Variants in DNAH8 observed in about 807,000 individuals in gnomAD.
DNAH8 encodes the protein axonemal beta dynein heavy chain 8.
A neutral mutation model predicts 562.1 loss-of-function variants in DNAH8; 382 were observed. That is an observed-to-expected ratio of 0.68 (90% confidence interval 0.63 to 0.74). The LOEUF is 0.74. DNAH8 is among the 30% of genes least tolerant of loss of function. The pLI, the probability that DNAH8 is intolerant of heterozygous loss-of-function variation, is 0.00. For missense variants in DNAH8, 5,203 were observed against 5,620.4 expected (o/e 0.93, Z 2.37); for synonymous variants, 1,881 against 1,919.4 (o/e 0.98, Z 0.52).
At chr6:39,001,357 A>C (rs1018930802) in intron 88 of DNAH8, among the ~76,000 whole-genome samples, 2 of 152,088 alleles carry the variant, frequency 1.3e-5, no homozygotes, top group African/African-American at 4.8e-5. Flanking sequence ...GCATGTCATC[A>C]TGTACAGAAT....
At chr6:38,725,615 G>A (rs1191511409) in intron 3 of DNAH8, among the ~76,000 whole-genome samples, 3 of 152,104 alleles carry the variant, frequency 2.0e-5, no homozygotes, top group South Asian at 2.1e-4. Context: ...GCAAGCAACC[G>A]GAAGTAGGTT....
intron 88 of DNAH8, among the ~76,000 whole-genome samples, chr6:39,004,168 G>T (rs989537741): frequency 6.6e-6 from 1 of 152,168 alleles, no homozygotes; most frequent in Non-Finnish European, 1.5e-5. Flanking sequence ...TTGAGCCCAA[G>T]AGTGTTAAGT....
At chr6:38,980,794 G>A (rs182165834) in intron 85 of DNAH8, among the ~76,000 whole-genome samples, 61 of 152,100 alleles carry the variant, frequency 4.0e-4, no homozygotes, top group African/African-American at 1.4e-3. Context: ...TGATCTCCCA[G>A]GGTCAGAACA....
intron 91 of DNAH8, among the ~76,000 whole-genome samples, chr6:39,022,258 G>A (rs1019481552): frequency 6.6e-6 from 1 of 152,018 alleles, no homozygotes; most frequent in African/African-American, 2.4e-5. Context: ...TGCAGGCTTT[G>A]GGTTGGCAAA....
At chr6:38,902,343 G>A (rs1780134424) in intron 62 of DNAH8, among the ~76,000 whole-genome samples, 1 of 152,074 alleles carries the variant, frequency 6.6e-6, no homozygotes, top group Non-Finnish European at 1.5e-5. Flanking sequence ...TGGTGGGTGT[G>A]TGGTGGCATC....
At chr6:38,985,873 A>G (rs1321920514) in intron 87 of DNAH8, among the ~76,000 whole-genome samples, 3 of 152,208 alleles carry the variant, frequency 2.0e-5, no homozygotes, top group Non-Finnish European at 4.4e-5. Context: ...GGGAGGGACA[A>G]TGCTGTGAGT....
chr6:38,717,787 A>C (rs1219571730), intron 1 of DNAH8, among the ~76,000 whole-genome samples: 2 of 152,136 alleles, frequency 1.3e-5, no homozygotes, highest in Non-Finnish European at 2.9e-5. Flanking sequence ...GTACTTTATC[A>C]AATCTAAACT....
chr6:38,866,132 T>C (rs187717439), intron 45 of DNAH8, among the ~76,000 whole-genome samples: 117 of 152,270 alleles, frequency 7.7e-4, no homozygotes, highest in African/African-American at 2.6e-3. Context: ...GCCAAAGAGC[T>C]CTGTAACTGT....
chr6:38,723,970 T>TTTAATTAATTAA (rs68148878), intron 3 of DNAH8, among the ~76,000 whole-genome samples: 54 of 142,300 alleles, frequency 3.8e-4, no homozygotes, highest in Non-Finnish European at 7.0e-4. Context: ...TCTTTTTAAA[T>TTTAATTAATTAA]TTAATTAATT....
At chr6:38,994,231 T>A (rs1764983760) in intron 88 of DNAH8, among the ~76,000 whole-genome samples, 1 of 152,196 alleles carries the variant, frequency 6.6e-6, no homozygotes, top group Non-Finnish European at 1.5e-5. Context: ...GAGTTTTTAT[T>A]CTTTTTATTT....
intron 67 of DNAH8, among the ~76,000 whole-genome samples, chr6:38,914,203 CTGTT>C (rs1781119053): frequency 6.6e-6 from 1 of 151,854 alleles, no homozygotes; most frequent in Non-Finnish European, 1.5e-5. Flanking sequence ...TCTTTTTCAT[CTGTT>C]TATGAAATTT....
At chr6:38,971,189 C>G (rs1583478830) in intron 82 of DNAH8, among the ~76,000 whole-genome samples, 1 of 152,208 alleles carries the variant, frequency 6.6e-6, no homozygotes, top group East Asian at 1.9e-4. Flanking sequence ...GAAGCGTCTG[C>G]TAAAACGCCG....
At position 38,826,386 on chromosome 6, in the gene DNAH8, A is replaced by G; in HGVS notation, c.4078A>G (p.Ile1360Val). 2 of 1,580,656 alleles carry G rather than the reference A, an allele frequency of 1.3e-6. No individual in the cohort carries two copies. Among genetic ancestry groups the G allele is most frequent in the Non-Finnish European group, 1.7e-6 (2 of 1,165,068 alleles). Residue 1360 changes from isoleucine (I) to valine (V), a missense_variant, in exon 29 of 93, where the codon ATT (isoleucine) becomes GTT (valine). Around this residue, in one of 6 missense-constraint regions of DNAH8, gnomAD observed 2,176 missense variants for 2,365.1 expected, o/e 0.92. Coordinates refer to ENST00000327475, the MANE Select transcript of DNAH8 (RefSeq NM_001206927.2). ...EIQMDMTLGPIEEAYAILNRF... is the reference protein window; with the variant it reads ...EIQMDMTLGPVEEAYAILNRF... ...TCAAATGGACATGACTTTGGGACCA[A>G]TTGAAGTAAGAAATGATTGCATTTT... is the stretch of plus-strand genomic sequence containing the variant.
At chr6:38,724,695 T>G (rs1052549521) in intron 3 of DNAH8, among the ~76,000 whole-genome samples, 12 of 152,176 alleles carry the variant, frequency 7.9e-5, no homozygotes, top group African/African-American at 2.9e-4. Flanking sequence ...ATGATACACT[T>G]GTGTCATAGC....
At position 38,807,993 on chromosome 6, in the gene DNAH8, ATT is replaced by A. The variant is rs201524442; in HGVS notation, c.3257+278_3257+279del. Reference sequence around the variant, plus strand: ...CACTATCCTGAACTTGGTGTTTATCATTGTCTTGGTTTTCTTCACAGTTTACT... The same window carrying A: ...CACTATCCTGAACTTGGTGTTTATCAGTCTTGGTTTTCTTCACAGTTTACT... On this transcript the variant is annotated intron_variant, in intron 24 of 92. Transcript: ENST00000327475. 6.7e-3 allele frequency among the ~76,000 whole-genome samples: 1,025 copies of A among 152,068 alleles called. 12 individuals are homozygous for A. Among genetic ancestry groups the A allele is most frequent in the Middle Eastern group, 0.027 (8 of 294 alleles).
intron 53 of DNAH8, among the ~76,000 whole-genome samples, chr6:38,882,136 C>T (rs1279797504): frequency 1.3e-5 from 2 of 150,040 alleles, no homozygotes; most frequent in Non-Finnish European, 3.0e-5. Context: ...GCAGCCATTA[C>T]GGAAAGCAGT....
Position 38,780,053 on chromosome 6 carries a change from T to C in DNAH8, c.2127T>C (p.Asp709=), listed in dbSNP as rs977305613. The stretch of plus-strand genomic sequence containing the variant: ...TTCAGTACTATGTGGCTGAACTTGA[T>C]GCTACTAAGAAGGCAAGTGTCATGT... ...RILQYYVAEL[D]ATKKLYHSQK... The change falls in exon 15 of 93, where the codon GAT becomes GAC. Residue 709 remains aspartate (D), a synonymous_variant. Coordinates refer to ENST00000327475, the MANE Select transcript of DNAH8 (RefSeq NM_001206927.2). 17 of 1,613,706 alleles carry C rather than the reference T, an allele frequency of 1.1e-5. No individual in the cohort carries two copies. Among genetic ancestry groups the C allele is most frequent in the Non-Finnish European group, 1.4e-5 (17 of 1,179,766 alleles).
intron 26 of DNAH8, among the ~76,000 whole-genome samples, chr6:38,821,842 A>G (rs945489133): frequency 2.0e-5 from 3 of 152,210 alleles, no homozygotes; most frequent in African/African-American, 7.2e-5. Flanking sequence ...GATTCTAGGC[A>G]TGAACCACTG....
intron 79 of DNAH8, among the ~76,000 whole-genome samples, chr6:38,939,219 G>A (rs1246669987): frequency 6.6e-6 from 1 of 152,132 alleles, no homozygotes; most frequent in Non-Finnish European, 1.5e-5. Context: ...TGTAGTTATT[G>A]ATATAACTAC....
Sources: gnomAD v4.1 joint callset for allele counts (sites outside exome capture counted in the v4.1 genomes callset) on GRCh38, gnomAD v4.1.1 for gene constraint, gnomAD v4.1.1 regional missense constraint, MANE v1.5 for transcripts, NCBI Gene and HGNC (gene_info 2026-07-23, HGNC 2026-07-21) for gene names.